The following LDAF1 variants were observed in gnomAD, a reference collection of about 807,000 sequenced individuals.
LDAF1 encodes lipid droplet assembly factor 1.
Under a neutral mutation model 13.5 loss-of-function variants are expected in LDAF1, and 7 were observed. The observed-to-expected ratio is 0.52, with a 90% CI of 0.29 to 0.97. The LOEUF (loss-of-function observed/expected upper bound fraction) is 0.97, where lower values mean the gene tolerates loss of function less well. LDAF1 is among the 50% of genes least tolerant of loss of function. LDAF1 has a pLI of 0.07. For missense variants in LDAF1, 148 were observed against 193.2 expected, an observed-to-expected ratio of 0.77 and a Z score of 1.39; for synonymous variants, 69 against 77.1, an observed-to-expected ratio of 0.89 and a Z score of 0.55.
chr16:21,163,122 T>G (rs911472511), intron 2 of LDAF1, among the ~76,000 whole-genome samples: 2 of 152,238 alleles, frequency 1.3e-5, no homozygotes, highest in African/African-American at 4.8e-5. Flanking sequence ...CATCACAGCC[T>G]TCTCATGGTT....
In LDAF1 at chr16:21,161,993, A is replaced by G. The variant is rs1412869626; in HGVS notation, c.96+715A>G. On this transcript the variant is annotated intron_variant, in intron 2 of 4. Transcript: ENST00000233047. ...GCGAACATGGTAAAACCCCATCTCT[A>G]CTAAAATTACCAAAATGAGCAGGTG... 2.0e-5 allele frequency among the ~76,000 whole-genome samples: 3 copies of G among 152,164 alleles called. No individual in the cohort carries two copies. In the East Asian group the frequency reaches 5.8e-4, roughly 29 times the overall value.
chr16:21,170,992 T>C (rs1168196944), intron 3 of LDAF1, among the ~76,000 whole-genome samples: 1 of 152,226 alleles, frequency 6.6e-6, no homozygotes, highest in Non-Finnish European at 1.5e-5. Context: ...CAAAAGGTTG[T>C]TGTGAAGATT....
intron 2 of LDAF1, chr16:21,169,330 CAA>C (rs2093063736): frequency 5.4e-6 from 1 of 185,938 alleles, no homozygotes; most frequent in South Asian, 1.8e-4. Flanking sequence ...TTTCTGGAGA[CAA>C]GATCTCCCTC....
chr16:21,166,007 G>GCACCA (rs1385630197), intron 2 of LDAF1, among the ~76,000 whole-genome samples: 1 of 151,828 alleles, frequency 6.6e-6, no homozygotes, highest in East Asian at 1.9e-4. Context: ...TTACAGGCAC[G>GCACCA]CACCACTCTG....
chr16:21,172,558 T>C (rs1225858141), intron 3 of LDAF1, among the ~76,000 whole-genome samples: 1 of 152,154 alleles, frequency 6.6e-6, no homozygotes, highest in African/African-American at 2.4e-5. Context: ...GCCCAGGCAG[T>C]TGAGGCTGTA....
Position 21,179,957 on chromosome 16 carries a change from T to G in LDAF1, c.*401T>G, listed in dbSNP as rs2152852453. 6.4e-6 allele frequency: 1 copy of G among 157,142 alleles called. No individual in the cohort carries two copies. The highest frequency in any genetic ancestry group is 1.9e-4 in the South Asian group (1 of 5,132). 9.7% of individuals were successfully genotyped at this position (157,142 alleles called of 1,614,324 possible). A position where few individuals can be genotyped will look rare whatever the true frequency, so the allele number is the denominator to read the frequency against. On this transcript the variant is annotated 3_prime_UTR_variant, in exon 5 of 5. Transcript: ENST00000233047. ...GGGCAGCTGTTAATTTTTTCACTCA[T>G]GTGAAACAAAATGAAAAAAAAAATC...
chr16:21,179,525 C>CA lies in LDAF1; in HGVS notation c.455_456insA (p.Ala153CysfsTer56). ...TGTGACTTTCTGCCAGCCATGAAGTCTGCAGAATTCGAGGGGCTTTACCAG... is the reference window on the plus strand; with the variant it reads ...TGTGACTTTCTGCCAGCCATGAAGTCATGCAGAATTCGAGGGGCTTTACCAG... On this transcript the variant is annotated frameshift_variant, in exon 5 of 5. Coordinates refer to ENST00000233047, the MANE Select transcript of LDAF1 (RefSeq NM_001301771.2). LOFTEE classifies it high-confidence loss of function. 1.2e-6 allele frequency: 2 copies of CA among 1,614,182 alleles called. No homozygotes were observed. The highest frequency in any genetic ancestry group is 1.7e-6 in the Non-Finnish European group (2 of 1,180,032).
chr16:21,178,167 T>A (rs1161565690), intron 4 of LDAF1: 10 of 975,884 alleles, frequency 1.0e-5, no homozygotes, highest in Non-Finnish European at 1.2e-5. Flanking sequence ...ACCTGCCTCC[T>A]ATGTAGATCA....
At chr16:21,174,621 A>T (rs1280005678) in intron 4 of LDAF1, among the ~76,000 whole-genome samples, 2 of 152,240 alleles carry the variant, frequency 1.3e-5, no homozygotes, top group African/African-American at 2.4e-5. Flanking sequence ...GCCAGGCATC[A>T]GGTGGGAATT....
chr16:21,167,898 C>CGGGAGGCT (rs1156916009), intron 2 of LDAF1, among the ~76,000 whole-genome samples: 3 of 148,510 alleles, frequency 2.0e-5, no homozygotes, highest in African/African-American at 7.4e-5. Context: ...CCCAGCTACT[C>CGGGAGGCT]GGGAGGCTGA....
intron 3 of LDAF1, among the ~76,000 whole-genome samples, chr16:21,172,489 A>C (rs568534666): frequency 1.3e-5 from 2 of 151,894 alleles, no homozygotes; most frequent in East Asian, 3.9e-4. Context: ...AGAAAGAAAA[A>C]AGTGGTGTGT....
At chr16:21,158,786 C>T (rs2092921419) in intron 1 of LDAF1, 40 bp downstream of exon 1, 1 of 154,292 alleles carries the variant, frequency 6.5e-6, no homozygotes, top group Non-Finnish European at 1.4e-5. Flanking sequence ...CCGGGTGCCC[C>T]GGGTGGCTAG....
At position 21,162,304 on chromosome 16, in the gene LDAF1, C is replaced by G. The variant is rs1319769990; in HGVS notation, c.96+1026C>G. Among the ~76,000 whole-genome samples, 4 of 152,186 alleles carry G rather than the reference C, an allele frequency of 2.6e-5. No individual in the cohort carries two copies. In the East Asian group the frequency reaches 7.7e-4, roughly 29 times the overall value. Reference sequence around the variant, plus strand: ...TTTTTGAACTCCCTCTTCAAAACCCCCCGTGCGCATATTTTACACTTCTAG... The same window carrying G: ...TTTTTGAACTCCCTCTTCAAAACCCGCCGTGCGCATATTTTACACTTCTAG... On this transcript the variant is annotated intron_variant, in intron 2 of 4. Coordinates refer to ENST00000233047, the MANE Select transcript of LDAF1 (RefSeq NM_001301771.2).
chr16:21,159,258 C>G, intron 1 of LDAF1: 1 of 1,357,836 alleles, frequency 7.4e-7, no homozygotes, highest in Non-Finnish European at 1.1e-6. Flanking sequence ...TAACTAAGTA[C>G]TCGACTCCCC....
Position 21,173,985 on chromosome 16 carries a change from TCTC to T in LDAF1, c.266-22_266-20del, listed in dbSNP as rs573716556. The T allele has an allele frequency of 2.4e-4, 387 of 1,604,862 alleles. 2 individuals are homozygous for T. The African/African-American group carries it at 4.5e-3, about 19-fold the overall frequency. ...TTTCAACCTGTTTGAGATGAACCCTTCTCCTAACCACGTTCTCCTCCTAGGATT... is the reference window on the plus strand; with the variant it reads ...TTTCAACCTGTTTGAGATGAACCCTTCTAACCACGTTCTCCTCCTAGGATT... On this transcript the variant is annotated intron_variant, in intron 3 of 4. Transcript: ENST00000233047.
intron 2 of LDAF1, among the ~76,000 whole-genome samples, chr16:21,165,342 C>T (rs1280050231): frequency 6.6e-6 from 1 of 151,974 alleles, no homozygotes; most frequent in Non-Finnish European, 1.5e-5. Context: ...ACCTGGGAAG[C>T]GGAAGTTGCA....
At position 21,179,701 on chromosome 16, in the gene LDAF1, C is replaced by A; in HGVS notation, c.*145C>A. 1.5e-6 allele frequency: 1 copy of A among 647,732 alleles called. No homozygotes were observed. Among genetic ancestry groups the A allele is most frequent in the Non-Finnish European group, 2.6e-6 (1 of 381,482 alleles). The allele number at this position is 647,732 out of a possible 1,614,324, so 40.1% of individuals were successfully genotyped here. On this transcript the variant is annotated 3_prime_UTR_variant, in exon 5 of 5. Transcript: ENST00000233047. ...TTTTTCACTTACTTGTAGGATCCCG[C>A]AGCAGCCAATTTAGGGATTGTGTTG...
intron 2 of LDAF1, among the ~76,000 whole-genome samples, chr16:21,168,949 GTATATATAATATAATATATTATAT>G (rs1262890591): frequency 5.7e-4 from 64 of 111,932 alleles, no homozygotes; most frequent in Non-Finnish European, 9.4e-4. Flanking sequence ...TATATTTATA[GTATATATAATATAATATATTATAT>G]TATATATAAT....
intron 4 of LDAF1, among the ~76,000 whole-genome samples, chr16:21,179,132 C>T (rs1365933927): frequency 6.6e-6 from 1 of 152,152 alleles, no homozygotes; most frequent in Non-Finnish European, 1.5e-5. Flanking sequence ...GGCTGCTTGA[C>T]TTCTCTGATT....
Sources: gnomAD v4.1 joint callset for allele counts (sites outside exome capture counted in the v4.1 genomes callset) on GRCh38, gnomAD v4.1.1 for gene constraint, MANE v1.5 for transcripts, NCBI Gene and HGNC (gene_info 2026-07-23, HGNC 2026-07-21) for gene names.